CLSTN2: variants seen among roughly 807,000 people sequenced by gnomAD.
The protein encoded by CLSTN2 is calsyntenin-2.
A neutral mutation model predicts 101.2 loss-of-function variants in CLSTN2; 48 were observed. That is an observed-to-expected ratio of 0.47 (90% confidence interval 0.38 to 0.60). The LOEUF (loss-of-function observed/expected upper bound fraction) is 0.60. Among genes scored for constraint, CLSTN2 ranks in the 20% least tolerant of loss-of-function variants. The pLI is 0.00. For synonymous variants in CLSTN2, 481 were observed against 463.6 expected, an observed-to-expected ratio of 1.04 and a Z score of -0.48; for missense variants, 1,160 against 1,238.2, an observed-to-expected ratio of 0.94 and a Z score of 0.95.
chr3:140,112,648 T>A (rs938975398), intron 1 of CLSTN2, among the ~76,000 whole-genome samples: 2 of 152,130 alleles, frequency 1.3e-5, no homozygotes, highest in Admixed American at 1.3e-4. Context: ...TGGCTTCTTA[T>A]GGGTGCATGC....
intron 1 of CLSTN2, among the ~76,000 whole-genome samples, chr3:140,023,588 C>T (rs772731509): frequency 6.6e-6 from 1 of 152,100 alleles, no homozygotes; most frequent in Non-Finnish European, 1.5e-5. Flanking sequence ...AACAAGAAAG[C>T]AGACTCCATT....
At chr3:140,512,040 C>G (rs1042311693) in intron 8 of CLSTN2, among the ~76,000 whole-genome samples, 2 of 151,738 alleles carry the variant, frequency 1.3e-5, no homozygotes, top group African/African-American at 4.8e-5. Context: ...GATATTACAC[C>G]TTTGTCAGAT....
chr3:140,077,993 T>C (rs764751061), intron 1 of CLSTN2, among the ~76,000 whole-genome samples: 3 of 152,060 alleles, frequency 2.0e-5, no homozygotes, highest in Non-Finnish European at 2.9e-5. Context: ...TGGTAGAAAA[T>C]TTCCCCTGCA....
At chr3:139,943,176 C>T (rs747157478) in intron 1 of CLSTN2, among the ~76,000 whole-genome samples, 4 of 152,138 alleles carry the variant, frequency 2.6e-5, no homozygotes, top group Non-Finnish European at 4.4e-5. Context: ...GCCAGAGCCC[C>T]CAAGAGTCCT....
chr3:140,151,619 G>A (rs1371523772), intron 1 of CLSTN2, among the ~76,000 whole-genome samples: 2 of 151,992 alleles, frequency 1.3e-5, no homozygotes, highest in African/African-American at 2.4e-5. Flanking sequence ...TGGAGGGTAC[G>A]ACATGGGAAG....
intron 2 of CLSTN2, among the ~76,000 whole-genome samples, chr3:140,303,689 G>C (rs1323310944): frequency 2.6e-5 from 4 of 151,994 alleles, no homozygotes; most frequent in African/African-American, 9.7e-5. Flanking sequence ...GTGCCTGAAG[G>C]GATCATTCGG....
chr3:140,181,182 A>G (rs764675488), intron 2 of CLSTN2, among the ~76,000 whole-genome samples: 7 of 152,184 alleles, frequency 4.6e-5, no homozygotes, highest in Non-Finnish European at 1.0e-4. Context: ...CAGTTTCCTT[A>G]TATTTAAAAT....
chr3:140,180,143 G>C (rs2010386578), intron 2 of CLSTN2, among the ~76,000 whole-genome samples: 1 of 152,176 alleles, frequency 6.6e-6, no homozygotes, highest in African/African-American at 2.4e-5. Context: ...CAAGATATAG[G>C]AGAAGTTTAA....
At chr3:140,166,375 A>G (rs2010135394) in intron 1 of CLSTN2, among the ~76,000 whole-genome samples, 1 of 152,210 alleles carries the variant, frequency 6.6e-6, no homozygotes, top group South Asian at 2.1e-4. Flanking sequence ...TTGGAATAAT[A>G]TATTTACCAG....
At chr3:140,103,260 A>G (rs1481376997) in intron 1 of CLSTN2, among the ~76,000 whole-genome samples, 1 of 152,190 alleles carries the variant, frequency 6.6e-6, no homozygotes, top group African/African-American at 2.4e-5. Context: ...TAACCAAGCC[A>G]GGATTGCTAA....
At chr3:140,367,596 A>C (rs942867889) in intron 2 of CLSTN2, among the ~76,000 whole-genome samples, 2 of 151,868 alleles carry the variant, frequency 1.3e-5, no homozygotes, top group African/African-American at 4.8e-5. Context: ...CAGAACTAGA[A>C]GCTATTTTAC....
chr3:140,137,736 T>G (rs2107807423), intron 1 of CLSTN2, among the ~76,000 whole-genome samples: 1 of 152,322 alleles, frequency 6.6e-6, no homozygotes, highest in South Asian at 2.1e-4. Context: ...CAGCCTTTCC[T>G]CACTTAATTC....
At chr3:140,402,138 C>T (rs1301660706) in intron 2 of CLSTN2, among the ~76,000 whole-genome samples, 2 of 152,168 alleles carry the variant, frequency 1.3e-5, no homozygotes, top group African/African-American at 2.4e-5. Flanking sequence ...ATTGATTGAA[C>T]ATCTTGGAAA....
At chr3:140,428,426 C>T (rs924503284) in intron 5 of CLSTN2, among the ~76,000 whole-genome samples, 52 of 152,152 alleles carry the variant, frequency 3.4e-4, no homozygotes, top group Non-Finnish European at 2.6e-4. Flanking sequence ...AAATTATTCC[C>T]CTTTGAAGAG....
chr3:140,498,958 ATG>A (rs1242858561), intron 8 of CLSTN2, among the ~76,000 whole-genome samples: 1 of 144,532 alleles, frequency 6.9e-6, no homozygotes, highest in East Asian at 1.9e-4. Flanking sequence ...GAGCACTTGA[ATG>A]TTTTTTTTTT....
chr3:140,220,927 G>GT (rs2086266374), intron 2 of CLSTN2, among the ~76,000 whole-genome samples: 1 of 152,170 alleles, frequency 6.6e-6, no homozygotes, highest in African/African-American at 2.4e-5. Flanking sequence ...GTTAAACATT[G>GT]TTATCTGTAT....
chr3:140,525,523 A>C (rs1379482450), intron 8 of CLSTN2, among the ~76,000 whole-genome samples: 2 of 152,206 alleles, frequency 1.3e-5, no homozygotes, highest in Non-Finnish European at 2.9e-5. Flanking sequence ...TACCAATCCT[A>C]CTGAAACTAT....
intron 8 of CLSTN2, among the ~76,000 whole-genome samples, chr3:140,472,528 T>G (rs1201827165): frequency 6.6e-6 from 1 of 152,298 alleles, no homozygotes; most frequent in East Asian, 1.9e-4. Context: ...AATTGGGCAT[T>G]GTCAGCACTC....
intron 9 of CLSTN2, among the ~76,000 whole-genome samples, chr3:140,543,345 T>C (rs1935525933): frequency 6.6e-6 from 1 of 152,290 alleles, no homozygotes; most frequent in East Asian, 1.9e-4. Flanking sequence ...TCACTGAAGA[T>C]TTAAATCAGA....
Sources: gnomAD v4.1 joint callset for allele counts (sites outside exome capture counted in the v4.1 genomes callset) on GRCh38, gnomAD v4.1.1 for gene constraint, MANE v1.5 for transcripts, NCBI Gene and HGNC (gene_info 2026-07-23, HGNC 2026-07-21) for gene names.